EPB41L4A: variants seen among roughly 807,000 people sequenced by gnomAD.
EPB41L4A encodes the protein band 4.1-like protein 4A.
EPB41L4A carries 100 observed loss-of-function variants against 108.6 expected under a neutral mutation model. The observed-to-expected ratio is 0.92, with a 90% CI of 0.78 to 1.09. The LOEUF (loss-of-function observed/expected upper bound fraction) is 1.09. EPB41L4A is among the 50% of genes least tolerant of loss of function. The pLI is 0.00. For synonymous variants in EPB41L4A, 319 were observed against 289.0 expected (o/e 1.10, Z -1.05); for missense variants, 1,030 against 842.7 (o/e 1.22, Z -2.75).
chr5:112,232,113 C>CAAA (rs1177398319), intron 12 of EPB41L4A, among the ~76,000 whole-genome samples: 20 of 87,952 alleles, frequency 2.3e-4, no homozygotes, highest in Admixed American at 2.5e-4. Flanking sequence ...AACCTTGTCT[C>CAAA]AAAAAAAAAA....
At chr5:112,158,189 C>A (rs1298844723), downstream of EPB41L4A, among the ~76,000 whole-genome samples, 2 of 152,134 alleles carry the variant, frequency 1.3e-5, no homozygotes, top group Non-Finnish European at 2.9e-5. Context: ...TAATGTAAAG[C>A]CATTAGAAGA....
At chr5:112,310,727 C>T (rs1754994823) in intron 1 of EPB41L4A, among the ~76,000 whole-genome samples, 1 of 152,016 alleles carries the variant, frequency 6.6e-6, no homozygotes, top group Non-Finnish European at 1.5e-5. Flanking sequence ...CCGCTTTAGT[C>T]CTTTTTGTTC....
intron 9 of EPB41L4A, among the ~76,000 whole-genome samples, chr5:112,243,523 G>A (rs532742979): frequency 9.2e-5 from 14 of 152,176 alleles, no homozygotes; most frequent in South Asian, 4.2e-4. Context: ...TTGACTTCTC[G>A]TTATAGCTAT....
chr5:112,328,183 C>A (rs1756307743), intron 1 of EPB41L4A, among the ~76,000 whole-genome samples: 1 of 152,052 alleles, frequency 6.6e-6, no homozygotes, highest in African/African-American at 2.4e-5. Context: ...GTGGCACACA[C>A]CTGTAGTCCC....
chr5:112,194,207 A>C (rs1048498174), intron 17 of EPB41L4A, among the ~76,000 whole-genome samples: 5 of 152,204 alleles, frequency 3.3e-5, no homozygotes, highest in African/African-American at 1.2e-4. Context: ...GTTGGGTAAA[A>C]TATAGTAATG....
intron 18 of EPB41L4A, among the ~76,000 whole-genome samples, chr5:112,178,637 T>G (rs1428842886): frequency 2.6e-5 from 4 of 151,344 alleles, no homozygotes; most frequent in Non-Finnish European, 5.9e-5. Flanking sequence ...TTGTAGAAAA[T>G]CCTGAAATAT....
At chr5:112,405,132 G>C (rs1174298855) in intron 1 of EPB41L4A, among the ~76,000 whole-genome samples, 1 of 152,206 alleles carries the variant, frequency 6.6e-6, no homozygotes, top group African/African-American at 2.4e-5. Context: ...TCCATCTTGA[G>C]CTCGCATTCT....
chr5:112,362,281 T>C (rs1758817365), intron 1 of EPB41L4A, among the ~76,000 whole-genome samples: 1 of 63,700 alleles, frequency 1.6e-5, no homozygotes, highest in Non-Finnish European at 3.5e-5. Context: ...AGAGCATTAA[T>C]GTTTTTTTTT....
At chr5:112,418,105 G>C (rs558054989) in intron 1 of EPB41L4A, among the ~76,000 whole-genome samples, 1 of 152,220 alleles carries the variant, frequency 6.6e-6, no homozygotes, top group East Asian at 1.9e-4. Flanking sequence ...AAATGCCTTA[G>C]CGATCTAAAA....
chr5:112,148,232 T>C (rs1328288166), intron 12 of EPB41L4A, among the ~76,000 whole-genome samples: 1 of 143,786 alleles, frequency 7.0e-6, no homozygotes, highest in Non-Finnish European at 1.5e-5. Flanking sequence ...GTAGTATTAC[T>C]ATACAAAAGT....
intron 9 of EPB41L4A, 121 bp downstream of exon 9, chr5:112,259,108 A>C (rs1331876651): frequency 2.7e-6 from 2 of 752,300 alleles, no homozygotes; most frequent in Admixed American, 2.2e-5. Flanking sequence ...CATGTGAGTT[A>C]ATTAACCTGG....
intron 1 of EPB41L4A, among the ~76,000 whole-genome samples, chr5:112,360,865 G>A (rs1000866823): frequency 1.1e-4 from 17 of 152,148 alleles, no homozygotes; most frequent in African/African-American, 3.9e-4. Flanking sequence ...GGGATGTGAG[G>A]AGCGCCTCTG....
intron 12 of EPB41L4A, among the ~76,000 whole-genome samples, chr5:112,234,206 AAAATAT>A (rs1749165016): frequency 6.9e-6 from 1 of 144,498 alleles, no homozygotes; most frequent in Non-Finnish European, 1.5e-5. Context: ...AAAATAAAAT[AAAATAT>A]AAATAAAATA....
At chr5:112,264,789 A>G in intron 6 of EPB41L4A, 107 bp downstream of exon 6, 2 of 1,114,396 alleles carry the variant, frequency 1.8e-6, no homozygotes, top group Non-Finnish European at 2.5e-6. Flanking sequence ...GTATTAGAAT[A>G]TTAAATGCAC....
chr5:112,146,305 G>C (rs1305488104), intron 12 of EPB41L4A, among the ~76,000 whole-genome samples: 3 of 152,174 alleles, frequency 2.0e-5, no homozygotes, highest in Non-Finnish European at 4.4e-5. Flanking sequence ...ACAGACTTCA[G>C]ATCTCTAATG....
intron 1 of EPB41L4A, among the ~76,000 whole-genome samples, chr5:112,334,920 T>G (rs1756822828): frequency 6.6e-6 from 1 of 152,152 alleles, no homozygotes; most frequent in Admixed American, 6.5e-5. Flanking sequence ...TTCACAGATG[T>G]CCTACCAAGC....
At chr5:112,259,102 T>G in intron 9 of EPB41L4A, 127 bp downstream of exon 9, 1 of 715,402 alleles carries the variant, frequency 1.4e-6, no homozygotes, top group Non-Finnish European at 2.5e-6. Context: ...GTTGTGCATG[T>G]GAGTTAATTA....
At chr5:112,149,448 G>C (rs1759383332) in intron 12 of EPB41L4A, among the ~76,000 whole-genome samples, 1 of 152,070 alleles carries the variant, frequency 6.6e-6, no homozygotes, top group Non-Finnish European at 1.5e-5. Flanking sequence ...CTCCAGCCTG[G>C]GCAACAGACC....
intron 9 of EPB41L4A, among the ~76,000 whole-genome samples, chr5:112,251,566 G>T (rs1750671402): frequency 6.6e-6 from 1 of 151,988 alleles, no homozygotes; most frequent in African/African-American, 2.4e-5. Flanking sequence ...AGGAAAGAAA[G>T]AATGAAGAAA....
Sources: gnomAD v4.1 joint callset for allele counts (sites outside exome capture counted in the v4.1 genomes callset) on GRCh38, gnomAD v4.1.1 for gene constraint, MANE v1.5 for transcripts, NCBI Gene and HGNC (gene_info 2026-07-23, HGNC 2026-07-21) for gene names.